Variants in TNS2 observed in about 807,000 individuals in gnomAD.
The protein encoded by TNS2 is tensin 2.
Under a neutral mutation model 155.7 loss-of-function variants are expected in TNS2, and 77 were observed. The ratio of observed to expected loss-of-function variants is 0.49; its 90% CI spans 0.41 to 0.60. The LOEUF is 0.60. Ranked by LOEUF, TNS2 falls within the 20% of genes least tolerant of loss-of-function variation. The pLI is 0.00. For missense variants in TNS2, 1,703 were observed against 1,868.8 expected (o/e 0.91, Z 1.64); for synonymous variants, 726 against 763.9 (o/e 0.95, Z 0.82).
chr12:53,048,221 G>A (rs1943797597), upstream of TNS2, among the ~76,000 whole-genome samples: 1 of 152,194 alleles, frequency 6.6e-6, no homozygotes, highest in Non-Finnish European at 1.5e-5. Flanking sequence ...CAGCCACAGT[G>A]GATCCTGACC....
Position 53,057,622 on chromosome 12 carries a change from C to T in TNS2, c.901C>T (p.Pro301Ser). Reference protein sequence around the residue: ...LSGSIRMNSSPLFLHYVLIPM... With the variant: ...LSGSIRMNSSSLFLHYVLIPM... Reference sequence around the variant, plus strand: ...TGGCTCCATCAGAATGAACAGCAGCCCTCTCTTCCTGCACTATGTGCTCAT... The same window carrying T: ...TGGCTCCATCAGAATGAACAGCAGCTCTCTCTTCCTGCACTATGTGCTCAT... The change falls in exon 12 of 29, where the codon CCT becomes TCT. Residue 301 changes from proline to serine, a missense_variant. By Grantham distance (74) the Pro-to-Ser change is moderately conservative. Transcript: ENST00000314250. 1 of 1,614,010 alleles carries T rather than the reference C, an allele frequency of 6.2e-7. No homozygotes were observed. The highest frequency in any genetic ancestry group is 8.5e-7 in the Non-Finnish European group (1 of 1,179,932).
At position 53,054,410 on chromosome 12, in the gene TNS2, T is replaced by C. The variant is rs1369006018; in HGVS notation, c.491T>C (p.Val164Ala). 6.2e-7 allele frequency: 1 copy of C among 1,605,364 alleles called. No individual in the cohort carries two copies. The highest frequency in any genetic ancestry group is 1.1e-5 in the South Asian group (1 of 90,698). The change falls in exon 7 of 29, where the codon GTG becomes GCG. Residue 164 changes from valine to alanine, a missense_variant. Transcript: ENST00000314250. ...GGCCACCTGCGCGAGCTGGCCCATG[T>C]GCTGCAATCCAAGCACCGGGACAAG... ...HRGHLRELAH[V>A]LQSKHRDKYL...
intron 2 of TNS2, 47 bp downstream of exon 2, chr12:53,052,010 CTG>C (rs760244305): frequency 6.8e-7 from 1 of 1,467,994 alleles, no homozygotes; most frequent in South Asian, 1.2e-5. Flanking sequence ...CCCAGTACCA[CTG>C]TGTTGCACAA....
chr12:53,050,240 A>G lies in TNS2; in HGVS notation c.55A>G (p.Ser19Gly), dbSNP rs1192386463. 6.2e-7 allele frequency: 1 copy of G among 1,609,438 alleles called. No homozygotes were observed. The highest frequency in any genetic ancestry group is 2.2e-5 in the East Asian group (1 of 44,736). ...GCTCAGAGCCCTGGGGAGGAGGGAC[A>G]GCAGCCGGGCCGCAAGCAGGGTAGG... ...RLLRALGRRD[S>G]SRAASRPRKA... is the part of the protein sequence containing the mutation. Residue 19 changes from serine (S) to glycine (G), a missense_variant, in exon 1 of 29, where the codon AGC becomes GGC. Ser to Gly is a moderately conservative substitution (Grantham distance 56, BLOSUM62 0). Coordinates refer to ENST00000314250, the MANE Select transcript of TNS2 (RefSeq NM_170754.4). The surrounding 1 kb of genome is among the most constrained non-coding windows in gnomAD (Gnocchi z 4.7).
chr12:53,047,192 C>CGCGGGCGCGGGGCGCG (rs1943750179), upstream of TNS2: 1 of 124,222 alleles, frequency 8.1e-6, no homozygotes, highest in Admixed American at 8.2e-5. Flanking sequence ...CGGGCGCGGG[C>CGCGGGCGCGGGGCGCG]GCGGGGCGCG....
intron 13 of TNS2, 75 bp from the exon 14 acceptor site, chr12:53,057,952 C>T (rs1250899965): frequency 6.2e-7 from 1 of 1,608,154 alleles, no homozygotes; most frequent in Non-Finnish European, 8.5e-7. Context: ...GGTCTCCTGG[C>T]TCCCCCTGAC....
intron 1 of TNS2, 75 bp from the exon 2 acceptor site, chr12:53,051,780 A>G: frequency 8.4e-7 from 1 of 1,187,458 alleles, no homozygotes; most frequent in Admixed American, 1.9e-5. Flanking sequence ...TGCTAAGGCA[A>G]GGCTCCTGCC....
upstream of TNS2, chr12:53,049,041 T>C (rs1169209130): frequency 1.2e-6 from 1 of 817,650 alleles, no homozygotes; most frequent in Admixed American, 2.9e-5. Context: ...CCCCTTAGCT[T>C]TTAGGAAGAT....
chr12:53,060,025 T>C lies in TNS2; in HGVS notation c.2384T>C (p.Val795Ala), dbSNP rs535084099. ...ALVTYSYGGA[V>A]PSYCPAYGRV... is the part of the protein sequence containing the mutation. ...GTGACATACAGCTATGGAGGAGCAG[T>C]TCCCAGTTACTGCCCAGCATATGGC... The change falls in exon 18 of 29, where the codon GTT becomes GCT. Residue 795 changes from valine (V) to alanine (A), a missense_variant. Coordinates refer to ENST00000314250, the MANE Select transcript of TNS2 (RefSeq NM_170754.4). The surrounding 1 kb of genome is among the most constrained non-coding windows in gnomAD (Gnocchi z 6.1). The C allele has an allele frequency of 1.9e-6, 3 of 1,613,524 alleles. No homozygotes were observed. The highest frequency in any genetic ancestry group is 2.7e-5 in the African/African-American group (2 of 75,036).
upstream of TNS2, chr12:53,049,953 T>C: frequency 3.6e-6 from 4 of 1,103,036 alleles, no homozygotes; most frequent in Non-Finnish European, 3.7e-6. Context: ...GGGAATCTGA[T>C]CTCCTGGCCT....
rs551851458 is a variant in TNS2 at position 53,060,291 on chromosome 12, C to A, written c.2617+33C>A. On this transcript the variant is annotated intron_variant, in intron 18 of 28. Transcript: ENST00000314250. The surrounding 1 kb of genome is among the most constrained non-coding windows in gnomAD (Gnocchi z 6.1). The stretch of plus-strand genomic sequence containing the variant: ...GCACCAGAGTGCGGAGTGCCCAGGG[C>A]AGAGGAGGTTCTGGAAGATGGTGGG... 64 of 1,546,344 alleles carry A rather than the reference C, an allele frequency of 4.1e-5. 1 individual carries two copies. The South Asian group carries it at 6.7e-4, about 16-fold the overall frequency.
At position 53,052,306 on chromosome 12, in the gene TNS2, C is replaced by T. The variant is rs542000034; in HGVS notation, c.185-149C>T. ...GCCACACTCTTCCCTCAAAACCTAG[C>T]CCTGCTCCTCTGCCCCAGCCAGCCC... On this transcript the variant is annotated intron_variant, in intron 2 of 28. Transcript: ENST00000314250. The T allele has an allele frequency of 2.1e-5, 20 of 965,002 alleles. No homozygotes were observed. The African/African-American group carries it at 2.6e-4, about 12-fold the overall frequency. The allele number at this position is 965,002 out of a possible 1,614,324, so 59.8% of individuals were successfully genotyped here.
chr12:53,059,055 AC>A lies in TNS2; in HGVS notation c.1417del (p.His473ThrfsTer47). 6.5e-7 allele frequency: 1 copy of A among 1,535,998 alleles called. No homozygotes were observed. Among genetic ancestry groups the A allele is most frequent in the Non-Finnish European group, 8.7e-7 (1 of 1,143,558 alleles). On this transcript the variant is annotated frameshift_variant, in exon 18 of 29. Coordinates refer to ENST00000314250, the MANE Select transcript of TNS2 (RefSeq NM_170754.4). LOFTEE classifies it high-confidence loss of function. The surrounding 1 kb of genome is among the most constrained non-coding windows in gnomAD (Gnocchi z 4.7). ...TCCTCTTCCCCACTCAGGCTCCTTG[AC>A]CCACACCCGGGGTCCCCTGGATGGC... ...HHEDSVDGSL[T>X]HTRGPLDGSP...
At position 53,059,437 on chromosome 12, in the gene TNS2, G is replaced by T; in HGVS notation, c.1796G>T (p.Arg599Leu). Residue 599 changes from arginine to leucine, a missense_variant, in exon 18 of 29, where the codon CGG (arginine) becomes CTG (leucine). By Grantham distance (102) the Arg-to-Leu change is moderately radical. Transcript: ENST00000314250. The surrounding 1 kb of genome is among the most constrained non-coding windows in gnomAD (Gnocchi z 4.7). Reference sequence around the variant, plus strand: ...CACTGCTCCTGCCGCCAGGGCTACCGGGAGCCCTGCGGGGTTCCCAATGGG... The same window carrying T: ...CACTGCTCCTGCCGCCAGGGCTACCTGGAGCCCTGCGGGGTTCCCAATGGG... ...SRHCSCRQGY[R>L]EPCGVPNGGY... The T allele has an allele frequency of 6.7e-7, 1 of 1,493,404 alleles. No homozygotes were observed. Among genetic ancestry groups the T allele is most frequent in the South Asian group, 1.4e-5 (1 of 72,752 alleles). 92.5% of individuals were successfully genotyped at this position (1,493,404 alleles called of 1,614,324 possible).
chr12:53,060,493 G>A lies in TNS2; in HGVS notation c.2706G>A (p.Ser902=), dbSNP rs147632597. ...RSPRDAPCSA[S]SELSGPSTPL... ...CCCGAGATGCCCCATGCAGTGCTTC[G>A]TCAGAGTTGTCTGGTCCCTCCACGC... is the stretch of plus-strand genomic sequence containing the variant. Residue 902 remains serine (S), a synonymous_variant, in exon 19 of 29, where the codon TCG becomes TCA. Coordinates refer to ENST00000314250, the MANE Select transcript of TNS2 (RefSeq NM_170754.4). The surrounding 1 kb of genome is among the most constrained non-coding windows in gnomAD (Gnocchi z 6.1). The A allele has an allele frequency of 1.7e-5, 28 of 1,613,664 alleles. No homozygotes were observed. The East Asian group carries it at 1.8e-4, about 10-fold the overall frequency.
rs1944435658 is a variant in TNS2, at chr12:53,063,104, A to G, written c.3839A>G (p.Tyr1280Cys). The change falls in exon 26 of 29, where the codon TAC becomes TGC. Residue 1280 changes from tyrosine to cysteine, a missense_variant. Physicochemically the swap from Tyr to Cys is radical, Grantham distance 194. Coordinates refer to ENST00000314250, the MANE Select transcript of TNS2 (RefSeq NM_170754.4). The surrounding 1 kb of genome is among the most constrained non-coding windows in gnomAD (Gnocchi z 5.6). ...GCCCCTGTAGCCTGCAGCGTGCTCT[A>G]CTTGACCTCAGTGGAGACAGAGTCA... Reference protein sequence around the residue: ...LRQGAACSVLYLTSVETESLT... With the variant: ...LRQGAACSVLCLTSVETESLT... 1.9e-6 allele frequency: 3 copies of G among 1,565,070 alleles called. No individual in the cohort carries two copies. The highest frequency in any genetic ancestry group is 1.2e-5 in the South Asian group (1 of 82,984).
chr12:53,061,817 A>G lies in TNS2; in HGVS notation c.3451A>G (p.Ile1151Val). Residue 1151 changes from isoleucine (I) to valine (V), a missense_variant and splice_region_variant, in exon 22 of 29, where the codon ATT (isoleucine) becomes GTT (valine). Transcript: ENST00000314250. ...YKPHLSRDQA[I>V]ALLKDKDPGA... ...GCCCGCTACCCCTCACCCTGCAGCC[A>G]TTGCCCTGCTGAAGGACAAGGACCC... 1 of 1,612,368 alleles carries G rather than the reference A, an allele frequency of 6.2e-7. No homozygotes were observed. Among genetic ancestry groups the G allele is most frequent in the Non-Finnish European group, 8.5e-7 (1 of 1,179,172 alleles).
rs900251283 is a variant in TNS2, at chr12:53,057,206, T to G, written c.845+110T>G. 6 of 1,208,476 alleles carry G rather than the reference T, an allele frequency of 5.0e-6. No homozygotes were observed. In the African/African-American group the frequency reaches 9.1e-5, roughly 18 times the overall value. The allele number at this position is 1,208,476 out of a possible 1,614,324, so 74.9% of individuals were successfully genotyped here. On this transcript the variant is annotated intron_variant, in intron 11 of 28. Coordinates refer to ENST00000314250, the MANE Select transcript of TNS2 (RefSeq NM_170754.4). ...CTTTCACTGAGTGTGCCAAGCGCCG[T>G]GCCAGGTGCTGAGAATTCAAAGTGG...
chr12:53,049,085 C>A (rs1943827175), upstream of TNS2: 2 of 1,312,124 alleles, frequency 1.5e-6, no homozygotes, highest in Admixed American at 2.5e-5. Flanking sequence ...ATCCACCTCC[C>A]TCCCTTGACT....
Sources: gnomAD v4.1 joint callset for allele counts (sites outside exome capture counted in the v4.1 genomes callset) on GRCh38, gnomAD v4.1.1 for gene constraint, Gnocchi (gnomAD v3.1) non-coding constraint, MANE v1.5 for transcripts, NCBI Gene and HGNC (gene_info 2026-07-23, HGNC 2026-07-21) for gene names.